ZFHX3: variants seen among roughly 807,000 people sequenced by gnomAD.
The protein encoded by ZFHX3 is zinc finger homeobox protein 3.
Under a neutral mutation model 279.1 loss-of-function variants are expected in ZFHX3, and 42 were observed. The observed-to-expected ratio is 0.15, with a 90% confidence interval of 0.12 to 0.19. The LOEUF (loss-of-function observed/expected upper bound fraction) is 0.19, where lower values mean the gene tolerates loss of function less well. Among genes scored for constraint, ZFHX3 ranks in the 10% least tolerant of loss-of-function variants. The probability of loss-of-function intolerance (pLI) is 1.00; values close to 1 mark genes in which losing one functional copy is unlikely to be tolerated. For synonymous variants in ZFHX3, 2,293 were observed against 1,957.8 expected (o/e 1.17, Z -4.52); for missense variants, 4,981 against 4,754.0 (o/e 1.05, Z -1.40).
At chr16:73,577,201 AAAT>A (rs762672398) in intron 2 of ZFHX3, among the ~76,000 whole-genome samples, 21 of 152,334 alleles carry the variant, frequency 1.4e-4, no homozygotes, top group Non-Finnish European at 2.4e-4. Context: ...AATGATAAAA[AAAT>A]AATACTTTAT....
At position 73,866,169 on chromosome 16, in the gene ZFHX3, ATTTTTTTTTT is replaced by A. The variant is rs34324522; in HGVS notation, c.-1608+25472_-1608+25481del. Among the ~76,000 whole-genome samples, 534 of 74,650 alleles carry A rather than the reference ATTTTTTTTTT, an allele frequency of 7.2e-3. 4 individuals carry two copies. Among genetic ancestry groups the A allele is most frequent in the African/African-American group, 0.024 (499 of 20,664 alleles). The allele number at this position is 74,650 out of a possible 152,430, so 49.0% of individuals were successfully genotyped here. ...AGGTGCACACCACTATGCCAGGCTA[ATTTTTTTTTT>A]TTTTTTTTTTTTTTTTTTGAGACAG... is the stretch of plus-strand genomic sequence containing the variant. On this transcript the variant is annotated intron_variant, in intron 1 of 17. Transcript: ENST00000641206.
intron 7 of ZFHX3, among the ~76,000 whole-genome samples, chr16:73,100,720 C>T (rs1261645150): frequency 1.3e-5 from 2 of 152,060 alleles, no homozygotes; most frequent in Non-Finnish European, 2.9e-5. Flanking sequence ...GCCTCAACCT[C>T]CCGAGTAGCT....
At chr16:73,821,752 C>T (rs1278958498) in intron 1 of ZFHX3, among the ~76,000 whole-genome samples, 1 of 152,220 alleles carries the variant, frequency 6.6e-6, no homozygotes, top group Non-Finnish European at 1.5e-5. Flanking sequence ...ATCCCTCCTG[C>T]AGCCTACAGC....
intron 5 of ZFHX3, among the ~76,000 whole-genome samples, chr16:73,192,320 T>G (rs1968058838): frequency 6.6e-6 from 1 of 152,154 alleles, no homozygotes. Context: ...CTGTTTGAAA[T>G]GAGGCATTGA....
intron 9 of ZFHX3, chr16:72,790,201 T>C (rs572531072): frequency 8.5e-5 from 13 of 152,372 alleles, no homozygotes; most frequent in Admixed American, 3.3e-4. Context: ...AGCAAGATAG[T>C]AGGTAAGGAC....
chr16:73,071,564 G>A (rs1193396876), intron 8 of ZFHX3, among the ~76,000 whole-genome samples: 1 of 152,170 alleles, frequency 6.6e-6, no homozygotes, highest in Non-Finnish European at 1.5e-5. Flanking sequence ...TGAGACCCGG[G>A]GAGCTGGGAA....
chr16:73,251,912 C>CACCA (rs1555506283), intron 5 of ZFHX3, among the ~76,000 whole-genome samples: 24 of 77,584 alleles, frequency 3.1e-4, no homozygotes, highest in African/African-American at 2.0e-3. Context: ...CACACACACA[C>CACCA]CACACACACA....
chr16:73,635,560 A>T (rs1200265113), intron 2 of ZFHX3, among the ~76,000 whole-genome samples: 3 of 152,160 alleles, frequency 2.0e-5, no homozygotes, highest in Non-Finnish European at 2.9e-5. Flanking sequence ...CTCTACTGTT[A>T]TCCCAGAAAA....
intron 2 of ZFHX3, among the ~76,000 whole-genome samples, chr16:73,548,031 C>T (rs574744641): frequency 5.3e-5 from 8 of 152,328 alleles, no homozygotes; most frequent in Non-Finnish European, 1.0e-4. Context: ...CACACTTACA[C>T]AGTCCTTGCT....
intron 2 of ZFHX3, among the ~76,000 whole-genome samples, chr16:73,531,488 G>A (rs2019801459): frequency 1.3e-5 from 2 of 151,956 alleles, no homozygotes; most frequent in Non-Finnish European, 2.9e-5. Context: ...GATGAGGTGG[G>A]GGGACTGCCT....
At chr16:73,398,706 T>C (rs1358290782) in intron 3 of ZFHX3, among the ~76,000 whole-genome samples, 1 of 152,166 alleles carries the variant, frequency 6.6e-6, no homozygotes, top group East Asian at 1.9e-4. Flanking sequence ...CCAGATGCCA[T>C]CTGACTCATT....
chr16:73,317,694 G>A (rs1227294454), intron 4 of ZFHX3, among the ~76,000 whole-genome samples: 15 of 152,136 alleles, frequency 9.9e-5, no homozygotes, highest in Admixed American at 9.8e-4. Context: ...GCCCTAAGGA[G>A]ACCCACTCAT....
At chr16:73,184,324 A>G (rs1967866758) in intron 5 of ZFHX3, among the ~76,000 whole-genome samples, 1 of 152,236 alleles carries the variant, frequency 6.6e-6, no homozygotes, top group South Asian at 2.1e-4. Flanking sequence ...CTTTGCAGCC[A>G]ATGTGAATCC....
chr16:73,779,683 A>T (rs1401899415), intron 1 of ZFHX3, among the ~76,000 whole-genome samples: 1 of 152,212 alleles, frequency 6.6e-6, no homozygotes, highest in Admixed American at 6.5e-5. Flanking sequence ...CTCCCGTTGT[A>T]CAACAACAAA....
At chr16:73,399,384 A>G (rs1425484882) in intron 3 of ZFHX3, among the ~76,000 whole-genome samples, 1 of 152,160 alleles carries the variant, frequency 6.6e-6, no homozygotes, top group African/African-American at 2.4e-5. Context: ...CCATGAAAGA[A>G]AGCAGAGGGG....
At chr16:73,724,422 AG>A (rs2053500966) in intron 1 of ZFHX3, among the ~76,000 whole-genome samples, 1 of 152,220 alleles carries the variant, frequency 6.6e-6, no homozygotes. Flanking sequence ...TTTTTTACAA[AG>A]CTCACATCCT....
chr16:73,597,477 C>T (rs2052062739), intron 2 of ZFHX3, among the ~76,000 whole-genome samples: 1 of 152,150 alleles, frequency 6.6e-6, no homozygotes, highest in Non-Finnish European at 1.5e-5. Flanking sequence ...AGAATATGAC[C>T]TTATTTGACA....
At chr16:73,509,757 G>A (rs1184347614) in intron 2 of ZFHX3, among the ~76,000 whole-genome samples, 17 of 120,534 alleles carry the variant, frequency 1.4e-4, no homozygotes, top group Admixed American at 6.0e-4. Context: ...GTGCAGTGGC[G>A]TGATCTCGGC....
Position 72,797,579 on chromosome 16 carries a change from A to G in ZFHX3, c.5103T>C (p.Ile1701=). 6.2e-7 allele frequency: 1 copy of G among 1,613,956 alleles called. No homozygotes were observed. The highest frequency in any genetic ancestry group is 8.5e-7 in the Non-Finnish European group (1 of 1,180,000). The stretch of plus-strand genomic sequence containing the variant: ...CCTCTTTGGGCTCTGAAGGGGAAGC[A>G]ATGTTGGCACCAATAGGATTCCCCA... ...PPLGNPIGAN[I]ASPSEPKEAN... The change falls in exon 9 of 10, where the codon ATT becomes ATC. Residue 1701 remains isoleucine (I), a synonymous_variant. Transcript: ENST00000268489.
Sources: allele counts gnomAD v4.1 joint callset (sites outside exome capture counted in the v4.1 genomes callset), GRCh38; gene constraint gnomAD v4.1.1; transcripts MANE v1.5; gene names NCBI Gene and HGNC (gene_info 2026-07-23, HGNC 2026-07-21).